HPCAL1: variants seen among roughly 807,000 people sequenced by gnomAD.
HPCAL1 encodes hippocalcin like 1.
Under a neutral mutation model 17.1 loss-of-function variants are expected in HPCAL1, and 8 were observed. The ratio of observed to expected loss-of-function variants is 0.47; its 90% CI spans 0.27 to 0.84. The LOEUF is 0.84. Among genes scored for constraint, HPCAL1 ranks in the 40% least tolerant of loss-of-function variants. HPCAL1 has a pLI of 0.13. For synonymous variants in HPCAL1, 112 were observed against 111.4 expected (o/e 1.01, Z -0.03); for missense variants, 165 against 271.1 (o/e 0.61, Z 2.75).
intron 2 of HPCAL1, among the ~76,000 whole-genome samples, chr2:10,404,208 C>T (rs1395135329): frequency 6.6e-6 from 1 of 152,104 alleles, no homozygotes. Context: ...TTGAAAACAC[C>T]CCAGGATGAA....
At chr2:10,316,065 T>C (rs1468908246) in intron 1 of HPCAL1, among the ~76,000 whole-genome samples, 2 of 152,188 alleles carry the variant, frequency 1.3e-5, no homozygotes, top group East Asian at 1.9e-4. Flanking sequence ...TGGCATAGTG[T>C]AGAGTTTGTT....
intron 2 of HPCAL1, among the ~76,000 whole-genome samples, chr2:10,415,880 C>A (rs1010148207): frequency 6.6e-6 from 1 of 152,226 alleles, no homozygotes; most frequent in Admixed American, 6.5e-5. Context: ...GAACACCTAG[C>A]GAGCTCCATG....
chr2:10,379,151 A>G (rs1318925754), intron 1 of HPCAL1, among the ~76,000 whole-genome samples: 1 of 152,012 alleles, frequency 6.6e-6, no homozygotes, highest in Non-Finnish European at 1.5e-5. Flanking sequence ...AACATGGTGA[A>G]ACCCCCATCT....
At chr2:10,339,104 A>G (rs1241418224) in intron 1 of HPCAL1, among the ~76,000 whole-genome samples, 1 of 152,084 alleles carries the variant, frequency 6.6e-6, no homozygotes, top group Non-Finnish European at 1.5e-5. Flanking sequence ...AAGCTGAGGA[A>G]TGGGTGCCCA....
At position 10,344,022 on chromosome 2, in the gene HPCAL1, G is replaced by A. The variant is rs1386868745; in HGVS notation, c.-111+40845G>A. Among the ~76,000 whole-genome samples, 1 of 152,184 alleles carries A rather than the reference G, an allele frequency of 6.6e-6. No homozygotes were observed. The highest frequency in any genetic ancestry group is 1.5e-5 in the Non-Finnish European group (1 of 68,026). On this transcript the variant is annotated intron_variant, in intron 1 of 4. Transcript: ENST00000307845. The surrounding 1 kb of genome is among the most constrained non-coding windows in gnomAD (Gnocchi z 4.9). ...TGTGTGGTGCATCCTGCACAGAGCT[G>A]TTGCTTTCTAACTGGGTTACTGAGC...
intron 2 of HPCAL1, among the ~76,000 whole-genome samples, chr2:10,403,916 G>A (rs187405543): frequency 1.3e-5 from 2 of 152,212 alleles, no homozygotes; most frequent in African/African-American, 4.8e-5. Flanking sequence ...TCAAGTAATT[G>A]GTCTGAATTC....
At chr2:10,372,851 A>G (rs574040052) in intron 1 of HPCAL1, among the ~76,000 whole-genome samples, 2 of 152,312 alleles carry the variant, frequency 1.3e-5, no homozygotes, top group South Asian at 4.1e-4. Flanking sequence ...AACTGTGGCC[A>G]GTTCTGGAGA....
chr2:10,372,919 C>T, intron 1 of HPCAL1, among the ~76,000 whole-genome samples: 1 of 152,246 alleles, frequency 6.6e-6, no homozygotes, highest in East Asian at 1.9e-4. Context: ...TAAAGCCCCT[C>T]TTCTGGCCTC....
rs1376407320 is a variant in HPCAL1, at chr2:10,310,590, C to G, written c.-111+7413C>G. Among the ~76,000 whole-genome samples the G allele has an allele frequency of 6.6e-6, 1 of 152,060 alleles. No individual in the cohort carries two copies. The highest frequency in any genetic ancestry group is 1.5e-5 in the Non-Finnish European group (1 of 68,022). ...TTCTGAGAAGCATCTGTCAGGGTCC[C>G]TGATGCACCTACAGAGACCCTGAGC... On this transcript the variant is annotated intron_variant, in intron 1 of 4. Transcript: ENST00000307845. The surrounding 1 kb of genome is among the most constrained non-coding windows in gnomAD (Gnocchi z 4.5).
intron 1 of HPCAL1, among the ~76,000 whole-genome samples, chr2:10,328,799 A>C (rs1664170981): frequency 6.6e-6 from 1 of 152,052 alleles, no homozygotes; most frequent in African/African-American, 2.4e-5. Context: ...AACCCTGACT[A>C]ATACTTCCCC....
chr2:10,366,532 G>A (rs535558056), intron 1 of HPCAL1, among the ~76,000 whole-genome samples: 1 of 152,258 alleles, frequency 6.6e-6, no homozygotes, highest in African/African-American at 2.4e-5. Context: ...CACCACGCCT[G>A]GCCCCTTAAT....
chr2:10,409,079 ATGT>A (rs1558526548), intron 2 of HPCAL1, among the ~76,000 whole-genome samples: 2 of 152,218 alleles, frequency 1.3e-5, no homozygotes, highest in African/African-American at 2.4e-5. Context: ...GAGATATTTT[ATGT>A]TGTTTTTTTT....
chr2:10,398,233 T>C (rs1669186926), intron 2 of HPCAL1, among the ~76,000 whole-genome samples: 2 of 152,230 alleles, frequency 1.3e-5, no homozygotes, highest in Non-Finnish European at 2.9e-5. Flanking sequence ...GCCCAGCCCC[T>C]GAGAGCCCTC....
chr2:10,422,941 C>T (rs762431956), intron 3 of HPCAL1, 42 bp from the exon 4 acceptor site: 2 of 1,441,690 alleles, frequency 1.4e-6, no homozygotes, highest in East Asian at 2.3e-5. Context: ...CCCGCCCAAG[C>T]CCCCGGGCCT....
intron 1 of HPCAL1, among the ~76,000 whole-genome samples, chr2:10,393,513 C>T (rs1372695253): frequency 1.3e-5 from 2 of 152,242 alleles, no homozygotes; most frequent in Non-Finnish European, 2.9e-5. Flanking sequence ...CAACCTGGAA[C>T]CAGCACTTCC....
In HPCAL1 at chr2:10,427,222, G is replaced by A. The variant is rs982259911; in HGVS notation, c.*401G>A. On this transcript the variant is annotated 3_prime_UTR_variant, in exon 5 of 5. Coordinates refer to ENST00000307845, the MANE Select transcript of HPCAL1 (RefSeq NM_002149.4). ...GTGGGAAGGGTGGGGACGAGGCGTC[G>A]GGAGGGTATACAGGGAGCCCCTCCC... is the stretch of plus-strand genomic sequence containing the variant. 3 of 212,300 alleles carry A rather than the reference G, an allele frequency of 1.4e-5. No individual in the cohort carries two copies. The highest frequency in any genetic ancestry group is 1.3e-4 in the East Asian group (1 of 7,706). 13.2% of individuals were successfully genotyped at this position (212,300 alleles called of 1,614,324 possible).
intron 1 of HPCAL1, among the ~76,000 whole-genome samples, chr2:10,320,865 A>G (rs1262191938): frequency 6.6e-6 from 1 of 152,244 alleles, no homozygotes; most frequent in Non-Finnish European, 1.5e-5. Context: ...GCTGGGAGCA[A>G]CAACAGTAAA....
chr2:10,339,466 G>A lies in HPCAL1; in HGVS notation c.-111+36289G>A, dbSNP rs1048100541. ...ATTACAGGCACATGCCACCATGCCCGGCTAATTTTTGTATTTTTAGTAGAG... is the reference window on the plus strand; with the variant it reads ...ATTACAGGCACATGCCACCATGCCCAGCTAATTTTTGTATTTTTAGTAGAG... On this transcript the variant is annotated intron_variant, in intron 1 of 4. Coordinates refer to ENST00000307845, the MANE Select transcript of HPCAL1 (RefSeq NM_002149.4). Among the ~76,000 whole-genome samples the A allele has an allele frequency of 1.6e-4, 24 of 152,146 alleles. 1 individual carries two copies. Among genetic ancestry groups the A allele is most frequent in the African/African-American group, 3.4e-4 (14 of 41,496 alleles).
At chr2:10,338,224 G>C (rs1664836699) in intron 1 of HPCAL1, among the ~76,000 whole-genome samples, 1 of 152,066 alleles carries the variant, frequency 6.6e-6, no homozygotes, top group African/African-American at 2.4e-5. Context: ...GTTTCTTCTG[G>C]GGGTAATGAA....
Sources: gnomAD v4.1 joint callset for allele counts (sites outside exome capture counted in the v4.1 genomes callset) on GRCh38, gnomAD v4.1.1 for gene constraint, Gnocchi (gnomAD v3.1) non-coding constraint, MANE v1.5 for transcripts, NCBI Gene and HGNC (gene_info 2026-07-23, HGNC 2026-07-21) for gene names.